The following RPP14 variants were observed in gnomAD, a reference collection of about 807,000 sequenced individuals.
RPP14 encodes the protein ribonuclease P protein subunit p14.
In RPP14, 19 loss-of-function variants were observed where a neutral mutation model predicts 17.8. The observed-to-expected ratio is 1.07, with a 90% CI of 0.74 to 1.57. The LOEUF (loss-of-function observed/expected upper bound fraction) is 1.57. Ranked by LOEUF, RPP14 falls within the 40% of genes most tolerant of loss-of-function variation. RPP14 has a pLI of 0.00. For synonymous variants in RPP14, 60 were observed against 56.4 expected (o/e 1.06, Z -0.29); for missense variants, 125 against 140.8 (o/e 0.89, Z 0.57).
chr3:58,317,274 CT>C (rs1432197647), intron 5 of RPP14, among the ~76,000 whole-genome samples, 165 bp from the exon 6 acceptor site: 3 of 152,266 alleles, frequency 2.0e-5, no homozygotes, highest in East Asian at 3.9e-4. Context: ...TTGGTACGCT[CT>C]TTTTGAGATG....
chr3:58,315,938 A>G (rs1227577911), intron 3 of RPP14: 1 of 152,356 alleles, frequency 6.6e-6, no homozygotes, highest in East Asian at 1.9e-4. Flanking sequence ...GGCCTCCCAA[A>G]GTGCCGGGAT....
intron 3 of RPP14, among the ~76,000 whole-genome samples, chr3:58,313,370 T>C (rs1044347281): frequency 6.6e-6 from 1 of 152,258 alleles, no homozygotes; most frequent in African/African-American, 2.4e-5. Context: ...ACCAGCATTT[T>C]AAGCAACTTT....
At position 58,318,771 on chromosome 3, in the gene RPP14, A is replaced by C. The variant is rs2097491236; in HGVS notation, c.*1275A>C. 3 of 152,010 alleles carry C rather than the reference A, an allele frequency of 2.0e-5. No individual in the cohort carries two copies. The highest frequency in any genetic ancestry group is 2.0e-4 in the Admixed American group (3 of 15,224). The allele number at this position is 152,010 out of a possible 1,614,324, so 9.4% of individuals were successfully genotyped here. A position where few individuals can be genotyped will look rare whatever the true frequency, so the allele number is the denominator to read the frequency against. On this transcript the variant is annotated 3_prime_UTR_variant, in exon 6 of 6. Coordinates refer to ENST00000295959, the MANE Select transcript of RPP14 (RefSeq NM_007042.6). ...TCCCAGCATTTTGGGAGGCTGAGGC[A>C]GGCGAATCACTTGAGGTCAGGAGTT... is the stretch of plus-strand genomic sequence containing the variant.
rs2097491086 is a variant in RPP14 at position 58,318,645 on chromosome 3, A to G, written c.*1149A>G. 1 of 152,458 alleles carries G rather than the reference A, an allele frequency of 6.6e-6. No homozygotes were observed. Among genetic ancestry groups the G allele is most frequent in the Non-Finnish European group, 1.5e-5 (1 of 68,422 alleles). The allele number at this position is 152,458 out of a possible 1,614,324, so 9.4% of individuals were successfully genotyped here. A position where few individuals can be genotyped will look rare whatever the true frequency, so the allele number is the denominator to read the frequency against. ...AACTGAGATTGCACCACTGCACTGT[A>G]GCCTGAGTGACAGAGCGAGACCCTG... On this transcript the variant is annotated 3_prime_UTR_variant, in exon 6 of 6. Transcript: ENST00000295959.
chr3:58,319,868 G>A lies in RPP14; in HGVS notation c.*2372G>A, dbSNP rs2097492672. 1 of 151,984 alleles carries A rather than the reference G, an allele frequency of 6.6e-6. No homozygotes were observed. Among genetic ancestry groups the A allele is most frequent in the Non-Finnish European group, 1.5e-5 (1 of 67,998 alleles). 9.4% of individuals were successfully genotyped at this position (151,984 alleles called of 1,614,324 possible). ...ACCATAAAATTCACCTTTTAAAAGTGTACAGTTTAGTGGTTTTCAGAATAT... is the reference window on the plus strand; with the variant it reads ...ACCATAAAATTCACCTTTTAAAAGTATACAGTTTAGTGGTTTTCAGAATAT... On this transcript the variant is annotated 3_prime_UTR_variant, in exon 6 of 6. Transcript: ENST00000295959.
intron 3 of RPP14, among the ~76,000 whole-genome samples, chr3:58,311,429 C>T (rs1395490192): frequency 6.6e-6 from 1 of 152,164 alleles, no homozygotes; most frequent in East Asian, 1.9e-4. Context: ...TGCTGGATTA[C>T]AGGCACGAGC....
At chr3:58,309,892 C>CA (rs557372458) in intron 1 of RPP14, among the ~76,000 whole-genome samples, 30 of 146,980 alleles carry the variant, frequency 2.0e-4, no homozygotes, top group Non-Finnish European at 2.7e-4. Flanking sequence ...ACTCCTTCTC[C>CA]AAAAAAAAAA....
intron 3 of RPP14, 153 bp from the exon 4 acceptor site, chr3:58,316,362 A>G: frequency 1.6e-6 from 1 of 633,902 alleles, no homozygotes; most frequent in Non-Finnish European, 2.8e-6. Flanking sequence ...AGGCAGGGGG[A>G]GCTGTAAGTA....
At position 58,312,258 on chromosome 3, in the gene RPP14, T is replaced by C. The variant is rs548078939; in HGVS notation, c.162+1667T>C. 2.8e-3 allele frequency among the ~76,000 whole-genome samples: 427 copies of C among 151,976 alleles called. 2 individuals carry two copies. The highest frequency in any genetic ancestry group is 9.8e-3 in the African/African-American group (405 of 41,410). Reference sequence around the variant, plus strand: ...GGTTCCCCTAGAGATTATTTTATTTTATTTTTATTTATTTATTTTTTGAGA... The same window carrying C: ...GGTTCCCCTAGAGATTATTTTATTTCATTTTTATTTATTTATTTTTTGAGA... On this transcript the variant is annotated intron_variant, in intron 3 of 5. Coordinates refer to ENST00000295959, the MANE Select transcript of RPP14 (RefSeq NM_007042.6).
At chr3:58,316,616 T>G in intron 4 of RPP14, 25 bp downstream of exon 4, 7 of 1,574,000 alleles carry the variant, frequency 4.4e-6, no homozygotes, top group South Asian at 2.2e-5. Context: ...GGGAAATTTC[T>G]AGTATAACAG....
At position 58,310,566 on chromosome 3, in the gene RPP14, C is replaced by T. The variant is rs773275466; in HGVS notation, c.137C>T (p.Ser46Leu). 3.6e-5 allele frequency: 58 copies of T among 1,611,744 alleles called. 2 individuals carry two copies. The South Asian group carries it at 4.5e-4, about 13-fold the overall frequency. Reference sequence around the variant, plus strand: ...GCACAGTTCAAACAGCTGCTTATTTCGGCTGTGAAGGACCTGTTTGGGGAG... The same window carrying T: ...GCACAGTTCAAACAGCTGCTTATTTTGGCTGTGAAGGACCTGTTTGGGGAG... Reference protein sequence around the residue: ...NAAQFKQLLISAVKDLFGEVD... With the variant: ...NAAQFKQLLILAVKDLFGEVD... Residue 46 changes from serine to leucine, a missense_variant, in exon 3 of 6, where the codon TCG (serine) becomes TTG (leucine). Physicochemically the swap from Ser to Leu is moderately radical, Grantham distance 145. Coordinates refer to ENST00000295959, the MANE Select transcript of RPP14 (RefSeq NM_007042.6).
chr3:58,308,699 A>ATAG (rs2097478465), intron 1 of RPP14, among the ~76,000 whole-genome samples: 2 of 152,232 alleles, frequency 1.3e-5, no homozygotes, highest in South Asian at 4.1e-4. Context: ...ATGCTGGTCC[A>ATAG]TAGCTCTGTG....
chr3:58,318,262 T>G lies in RPP14; in HGVS notation c.*766T>G, dbSNP rs1181554009. 1 of 559,530 alleles carries G rather than the reference T, an allele frequency of 1.8e-6. No homozygotes were observed. The highest frequency in any genetic ancestry group is 3.1e-6 in the Non-Finnish European group (1 of 320,008). 34.7% of individuals were successfully genotyped at this position (559,530 alleles called of 1,614,324 possible). On this transcript the variant is annotated 3_prime_UTR_variant, in exon 6 of 6. Transcript: ENST00000295959. The stretch of plus-strand genomic sequence containing the variant: ...GGGAAGGGAGCAGGAAGAGGGTTGT[T>G]CAAATGCCCACTTTCCAGTTTGGCC...
chr3:58,316,609 A>G lies in RPP14; in HGVS notation c.239+18A>G. 6.2e-7 allele frequency: 1 copy of G among 1,601,170 alleles called. No homozygotes were observed. Among genetic ancestry groups the G allele is most frequent in the East Asian group, 2.2e-5 (1 of 44,794 alleles). The stretch of plus-strand genomic sequence containing the variant: ...TGTAGCAGGTATGACAGAGAGTGGG[A>G]AATTTCTAGTATAACAGGGCAGAGA... On this transcript the variant is annotated intron_variant, in intron 4 of 5. Coordinates refer to ENST00000295959, the MANE Select transcript of RPP14 (RefSeq NM_007042.6).
In RPP14 at chr3:58,318,263, C is replaced by A; in HGVS notation, c.*767C>A. ...GGAAGGGAGCAGGAAGAGGGTTGTT[C>A]AAATGCCCACTTTCCAGTTTGGCCT... On this transcript the variant is annotated 3_prime_UTR_variant, in exon 6 of 6. Coordinates refer to ENST00000295959, the MANE Select transcript of RPP14 (RefSeq NM_007042.6). 1.8e-6 allele frequency: 1 copy of A among 558,030 alleles called. No individual in the cohort carries two copies. 34.6% of individuals were successfully genotyped at this position (558,030 alleles called of 1,614,324 possible). A position where few individuals can be genotyped will look rare whatever the true frequency, so the allele number is the denominator to read the frequency against.
rs2097481050 is a variant in RPP14, at chr3:58,310,530, G to A, written c.101G>A (p.Gly34Glu). 6.2e-7 allele frequency: 1 copy of A among 1,611,624 alleles called. No homozygotes were observed. Among genetic ancestry groups the A allele is most frequent in the African/African-American group, 1.3e-5 (1 of 74,470 alleles). ...VCLEFQDCGV[G>E]LNAAQFKQLL... is the part of the protein sequence containing the mutation. ...AGAGAATTTCAAGATTGTGGAGTTG[G>A]ACTGAATGCTGCACAGTTCAAACAG... The change falls in exon 3 of 6, where the codon GGA becomes GAA. Residue 34 changes from glycine to glutamate, a missense_variant. Transcript: ENST00000295959.
chr3:58,309,081 A>G (rs1401720444), intron 1 of RPP14, among the ~76,000 whole-genome samples: 1 of 152,204 alleles, frequency 6.6e-6, no homozygotes, highest in East Asian at 1.9e-4. Context: ...ATAGTCTTGC[A>G]CAGACCTGGC....
intron 4 of RPP14, 92 bp downstream of exon 4, chr3:58,316,683 T>C: frequency 8.5e-7 from 1 of 1,171,024 alleles, no homozygotes; most frequent in Non-Finnish European, 1.3e-6. Flanking sequence ...ATAAATTTTT[T>C]GTTGTGAACT....
At chr3:58,310,669 A>C in intron 3 of RPP14, 78 bp downstream of exon 3, 120 of 1,260,004 alleles carry the variant, frequency 9.5e-5, no homozygotes, top group Non-Finnish European at 1.2e-4. Flanking sequence ...GCGGTAGCTC[A>C]CGCCTGTAAT....
Sources: allele counts gnomAD v4.1 joint callset (sites outside exome capture counted in the v4.1 genomes callset), GRCh38; gene constraint gnomAD v4.1.1; transcripts MANE v1.5; gene names NCBI Gene and HGNC (gene_info 2026-07-23, HGNC 2026-07-21).